The following WAPL variants were observed in gnomAD, a reference collection of about 807,000 sequenced individuals.
The protein encoded by WAPL is wings apart-like protein homolog.
In WAPL, 5 loss-of-function variants were observed where a neutral mutation model predicts 121.0. That is an observed-to-expected ratio of 0.04 (90% CI 0.02 to 0.09). WAPL has a LOEUF of 0.09. WAPL is among the 10% of genes least tolerant of loss of function. WAPL has a pLI of 1.00. For synonymous variants in WAPL, 480 were observed against 481.5 expected (o/e 1.00, Z 0.04); for missense variants, 999 against 1,410.8 (o/e 0.71, Z 4.68).
chr10:86,450,468 T>C lies in WAPL; in HGVS notation c.3114+1499A>G, dbSNP rs182313646. Among the ~76,000 whole-genome samples, 7 of 152,276 alleles carry C rather than the reference T, an allele frequency of 4.6e-5. 1 individual carries two copies. The East Asian group carries it at 1.4e-3, about 29-fold the overall frequency. ...CCATGCTGGTCTCAAACTCCTGAGC[T>C]CAAACAATCCACCCACCTTGGCCTC... On this transcript the variant is annotated intron_variant, in intron 15 of 18. Coordinates refer to ENST00000298767, the MANE Select transcript of WAPL (RefSeq NM_015045.5).
At chr10:86,493,890 C>T (rs1842098752) in intron 4 of WAPL, among the ~76,000 whole-genome samples, 1 of 152,188 alleles carries the variant, frequency 6.6e-6, no homozygotes, top group African/African-American at 2.4e-5. Context: ...GTAGTCCCAG[C>T]TACCCAGGAG....
At chr10:86,451,901 G>T (rs990078042) in intron 15 of WAPL, 66 bp downstream of exon 15, 3 of 1,572,250 alleles carry the variant, frequency 1.9e-6, no homozygotes. Flanking sequence ...AGGTGCAAAT[G>T]ATAAAAGAAA....
chr10:86,462,411 C>A (rs188373389), intron 9 of WAPL, among the ~76,000 whole-genome samples: 1 of 152,164 alleles, frequency 6.6e-6, no homozygotes, highest in African/African-American at 2.4e-5. Context: ...TTTTAATCTA[C>A]TTCTTTTAAA....
chr10:86,481,987 G>C (rs1388411661), intron 4 of WAPL, among the ~76,000 whole-genome samples: 1 of 152,156 alleles, frequency 6.6e-6, no homozygotes, highest in African/African-American at 2.4e-5. Context: ...GCACTGACCA[G>C]TCAAGAGGCA....
intron 4 of WAPL, among the ~76,000 whole-genome samples, chr10:86,493,918 A>T (rs1842099638): frequency 6.6e-6 from 1 of 152,144 alleles, no homozygotes; most frequent in Non-Finnish European, 1.5e-5. Flanking sequence ...CAGGAGAATC[A>T]CTTGCACCTG....
At chr10:86,521,274 A>C in intron 1 of WAPL, 91 bp downstream of exon 1, 8 of 239,634 alleles carry the variant, frequency 3.3e-5, no homozygotes, top group South Asian at 3.3e-4. Flanking sequence ...TGGGCGAGGC[A>C]GTGAGACTTC....
intron 1 of WAPL, among the ~76,000 whole-genome samples, 190 bp downstream of exon 1, chr10:86,521,175 C>G (rs112227370): frequency 6.6e-6 from 1 of 152,180 alleles, no homozygotes; most frequent in Non-Finnish European, 1.5e-5. Context: ...TCAGCAGTCG[C>G]CCGAAAAAGA....
intron 4 of WAPL, among the ~76,000 whole-genome samples, chr10:86,483,794 CTTTTTTTTTTTTTT>C (rs35725128): frequency 1.4e-5 from 1 of 69,212 alleles, no homozygotes; most frequent in Admixed American, 2.5e-4. Context: ...ATTTTTTTTT[CTTTTTTTTTTTTTT>C]TTTTTTTTGG....
At chr10:86,477,613 A>G (rs1275336646) in intron 4 of WAPL, among the ~76,000 whole-genome samples, 1 of 151,996 alleles carries the variant, frequency 6.6e-6, no homozygotes, top group Non-Finnish European at 1.5e-5. Flanking sequence ...GACCAGCCTA[A>G]CCAACATGGT....
rs759692026 is a variant in WAPL at position 86,500,287 on chromosome 10, C to A, written c.956G>T (p.Ser319Ile). 6.2e-6 allele frequency: 10 copies of A among 1,614,206 alleles called. No individual in the cohort carries two copies. The South Asian group carries it at 1.1e-4, about 18-fold the overall frequency. Residue 319 changes from serine (S) to isoleucine (I), a missense_variant, in exon 3 of 19, where the codon AGT (serine) becomes ATT (isoleucine). Physicochemically the swap from Ser to Ile is moderately radical, Grantham distance 142 (BLOSUM62 -2). This residue lies in a region of WAPL where 531 missense variants were observed against 563.1 expected (regional missense o/e 0.94). Transcript: ENST00000298767. ...ACTGTTTGCTTTGGCTAAGGCCTGACTGGTGCCGTCCATCAGCTTATCAAA... is the reference window on the plus strand; with the variant it reads ...ACTGTTTGCTTTGGCTAAGGCCTGAATGGTGCCGTCCATCAGCTTATCAAA... ...SNFDKLMDGTSQALAKANSES... is the reference protein window; with the variant it reads ...SNFDKLMDGTIQALAKANSES...
intron 9 of WAPL, among the ~76,000 whole-genome samples, chr10:86,466,708 CTTTTT>C (rs895086532): frequency 1.3e-5 from 2 of 151,510 alleles, no homozygotes; most frequent in African/African-American, 4.8e-5. Context: ...TAGTTTCTAC[CTTTTT>C]TTTGAGACAA....
rs1439976323 is a variant in WAPL at position 86,453,217 on chromosome 10, T to C, written c.2949+3A>G. 1 of 1,613,950 alleles carries C rather than the reference T, an allele frequency of 6.2e-7. No individual in the cohort carries two copies. Among genetic ancestry groups the C allele is most frequent in the Admixed American group, 1.7e-5 (1 of 60,022 alleles). On this transcript the variant is annotated splice_donor_region_variant and intron_variant, in intron 14 of 18. Transcript: ENST00000298767. The stretch of plus-strand genomic sequence containing the variant: ...CATTTCTGAAAAAGTCATTTCAACT[T>C]ACCAGCACTCGAATATCAAATCTCT...
chr10:86,520,213 T>C (rs1271074687), intron 1 of WAPL, among the ~76,000 whole-genome samples: 1 of 152,168 alleles, frequency 6.6e-6, no homozygotes, highest in East Asian at 1.9e-4. Flanking sequence ...GAGAATCAAT[T>C]GAACCTGGGA....
chr10:86,446,234 A>C lies in WAPL; in HGVS notation c.3322+8T>G. ...TCAATTTAAATACACCATTCAAAGT[A>C]AATATACCTTTATTGAGGTCAAGTT... On this transcript the variant is annotated splice_region_variant and intron_variant, in intron 16 of 18. Transcript: ENST00000298767. The C allele has an allele frequency of 6.2e-7, 1 of 1,613,660 alleles. No homozygotes were observed. The highest frequency in any genetic ancestry group is 8.5e-7 in the Non-Finnish European group (1 of 1,179,622).
chr10:86,479,628 C>G (rs1208582865), intron 4 of WAPL, among the ~76,000 whole-genome samples: 1 of 152,190 alleles, frequency 6.6e-6, no homozygotes, highest in Non-Finnish European at 1.5e-5. Flanking sequence ...GTTTTAAAAA[C>G]TATGTGCTAT....
chr10:86,445,125 T>A (rs1446556288), intron 16 of WAPL, among the ~76,000 whole-genome samples: 1 of 152,028 alleles, frequency 6.6e-6, no homozygotes, highest in Non-Finnish European at 1.5e-5. Context: ...GCCAGCACCC[T>A]CCAATACCAA....
At chr10:86,464,218 A>G (rs572586576) in intron 9 of WAPL, among the ~76,000 whole-genome samples, 1 of 152,364 alleles carries the variant, frequency 6.6e-6, no homozygotes, top group Admixed American at 6.5e-5. Flanking sequence ...GACAGCTAAC[A>G]TTAGTGGGGA....
rs113705096 is a variant in WAPL, at chr10:86,466,121, G to C, written c.2370+1158C>G. ...CATGGGGCATTGTGATGAGCATTAA[G>C]AGCAGCCACTGGCCATGACTGTATT... On this transcript the variant is annotated intron_variant, in intron 9 of 18. Transcript: ENST00000298767. 1.6e-3 allele frequency among the ~76,000 whole-genome samples: 242 copies of C among 152,266 alleles called. 1 individual carries two copies. Among genetic ancestry groups the C allele is most frequent in the African/African-American group, 5.5e-3 (230 of 41,552 alleles).
chr10:86,492,885 G>A (rs1356163449), intron 4 of WAPL, among the ~76,000 whole-genome samples: 1 of 152,026 alleles, frequency 6.6e-6, no homozygotes, highest in Non-Finnish European at 1.5e-5. Flanking sequence ...GTGAAACCCC[G>A]TCTCTACCAA....
Sources: allele counts gnomAD v4.1 joint callset (sites outside exome capture counted in the v4.1 genomes callset), GRCh38; gene constraint gnomAD v4.1.1; regional missense constraint gnomAD v4.1.1; transcripts MANE v1.5; gene names NCBI Gene and HGNC (gene_info 2026-07-23, HGNC 2026-07-21).